TJP1: variants seen among roughly 807,000 people sequenced by gnomAD.
TJP1 encodes tight junction protein ZO-1.
Under a neutral mutation model 194.2 loss-of-function variants are expected in TJP1, and 43 were observed. That is an observed-to-expected ratio of 0.22 (90% CI 0.17 to 0.29). TJP1 has a LOEUF of 0.29. TJP1 is among the 10% of genes least tolerant of loss of function. TJP1 has a pLI of 1.00. For missense variants in TJP1, 1,971 were observed against 2,185.7 expected (o/e 0.90, Z 1.96); for synonymous variants, 801 against 779.0 (o/e 1.03, Z -0.47).
intron 1 of TJP1, among the ~76,000 whole-genome samples, chr15:29,811,149 T>C (rs148468582): frequency 2.9e-3 from 448 of 152,132 alleles, no homozygotes; most frequent in African/African-American, 9.8e-3. Flanking sequence ...AGGAAAAAGA[T>C]ACGATGTGGC....
intron 23 of TJP1, among the ~76,000 whole-genome samples, chr15:29,712,785 A>G (rs1437977665): frequency 2.0e-5 from 3 of 151,844 alleles, no homozygotes; most frequent in Admixed American, 6.6e-5. Flanking sequence ...CAGGTTCTGA[A>G]TAAGTGGGAG....
At chr15:29,897,085 G>A (rs963407797) in intron 2 of TJP1, among the ~76,000 whole-genome samples, 2 of 152,184 alleles carry the variant, frequency 1.3e-5, no homozygotes, top group Admixed American at 1.3e-4. Context: ...TGTCTCCAGG[G>A]CATGTCAGAG....
chr15:29,742,805 T>C lies in TJP1; in HGVS notation c.1011-24A>G, dbSNP rs1264026890. 1.9e-6 allele frequency: 3 copies of C among 1,561,668 alleles called. No homozygotes were observed. In the Admixed American group the frequency reaches 6.1e-5, roughly 32 times the overall value. On this transcript the variant is annotated intron_variant, in intron 8 of 27. Coordinates refer to ENST00000614355, the MANE Select transcript of TJP1 (RefSeq NM_001330239.4). Reference sequence around the variant, plus strand: ...GACTGTGTGTCATTAAAATAAAAAATCAAGAGCATAAGAATGATTCTGGAA... The same window carrying C: ...GACTGTGTGTCATTAAAATAAAAAACCAAGAGCATAAGAATGATTCTGGAA...
chr15:29,711,912 A>T (rs528140581), intron 23 of TJP1, among the ~76,000 whole-genome samples: 2 of 152,238 alleles, frequency 1.3e-5, no homozygotes, highest in Non-Finnish European at 2.9e-5. Context: ...CTTTTACTTT[A>T]AAATTTCCCC....
chr15:29,720,174 T>C, intron 19 of TJP1, 158 bp from the exon 20 acceptor site: 1 of 1,126,902 alleles, frequency 8.9e-7, no homozygotes, highest in Non-Finnish European at 1.2e-6. Flanking sequence ...AAAAATCCAG[T>C]ACATTGCTGT....
chr15:29,816,612 C>A (rs2151977227), intron 1 of TJP1, among the ~76,000 whole-genome samples: 1 of 152,280 alleles, frequency 6.6e-6, no homozygotes, highest in African/African-American at 2.4e-5. Context: ...ACTTTTAAAA[C>A]AGTATGAAGC....
At chr15:29,856,148 C>T (rs1218787026) in intron 2 of TJP1, among the ~76,000 whole-genome samples, 3 of 152,026 alleles carry the variant, frequency 2.0e-5, no homozygotes, top group African/African-American at 4.8e-5. Context: ...TGAATGTAGC[C>T]AGGAGAGGTG....
chr15:29,946,726 A>G (rs1298512895), intron 2 of TJP1, among the ~76,000 whole-genome samples: 2 of 152,182 alleles, frequency 1.3e-5, no homozygotes, highest in Non-Finnish European at 2.9e-5. Flanking sequence ...AATCATATCT[A>G]TTCATTCATT....
At chr15:29,826,722 C>T (rs1364277753), upstream of TJP1, among the ~76,000 whole-genome samples, 1 of 152,150 alleles carries the variant, frequency 6.6e-6, no homozygotes, top group Non-Finnish European at 1.5e-5. Context: ...TCTAGTGTTT[C>T]CCATCTTAAA....
intron 27 of TJP1, 34 bp downstream of exon 27, chr15:29,704,127 CA>C: frequency 6.5e-7 from 1 of 1,542,400 alleles, no homozygotes; most frequent in South Asian, 1.2e-5. Context: ...CGACAGTCCC[CA>C]AAGCTCCCAA....
intron 2 of TJP1, among the ~76,000 whole-genome samples, chr15:29,878,411 A>G (rs1490923995): frequency 6.6e-6 from 1 of 152,132 alleles, no homozygotes; most frequent in Non-Finnish European, 1.5e-5. Context: ...AACTGACTTG[A>G]TCTCCTTGAG....
chr15:29,948,986 C>T (rs2055386227), intron 2 of TJP1, among the ~76,000 whole-genome samples: 1 of 148,440 alleles, frequency 6.7e-6, no homozygotes, highest in Non-Finnish European at 1.5e-5. Context: ...ACCATCACAA[C>T]CTACTCCTTC....
intron 2 of TJP1, among the ~76,000 whole-genome samples, chr15:29,881,326 G>A (rs753070739): frequency 1.3e-5 from 2 of 152,046 alleles, no homozygotes; most frequent in East Asian, 1.9e-4. Flanking sequence ...GTAGGAATTC[G>A]TTATATATTT....
intron 2 of TJP1, among the ~76,000 whole-genome samples, chr15:29,876,758 C>A (rs1030329702): frequency 1.3e-5 from 2 of 152,112 alleles, no homozygotes; most frequent in African/African-American, 4.8e-5. Context: ...GTAAAAACCA[C>A]GTGGACTGCT....
chr15:29,728,371 G>A lies in TJP1; in HGVS notation c.2018-352C>T, dbSNP rs190715169. 6 of 196,996 alleles carry A rather than the reference G, an allele frequency of 3.0e-5. No individual in the cohort carries two copies. The South Asian group carries it at 4.8e-4, about 16-fold the overall frequency. 12.2% of individuals were successfully genotyped at this position (196,996 alleles called of 1,614,324 possible). A position where few individuals can be genotyped will look rare whatever the true frequency, so the allele number is the denominator to read the frequency against. On this transcript the variant is annotated intron_variant, in intron 15 of 27. Coordinates refer to ENST00000614355, the MANE Select transcript of TJP1 (RefSeq NM_001330239.4). ...ATCCAGAGAAAATATTATTTGTATG[G>A]CACACTGAGATAAACTGAGGGGGCT...
intron 8 of TJP1, among the ~76,000 whole-genome samples, chr15:29,748,523 G>C (rs927456632): frequency 3.4e-5 from 5 of 148,944 alleles, no homozygotes; most frequent in Admixed American, 2.7e-4. Flanking sequence ...AAATTGTGAG[G>C]TTGTGATAAT....
chr15:29,797,934 A>C (rs1455010726), intron 2 of TJP1, among the ~76,000 whole-genome samples: 1 of 152,230 alleles, frequency 6.6e-6, no homozygotes, highest in Non-Finnish European at 1.5e-5. Flanking sequence ...AGAGATCATT[A>C]ATCTTCAGAG....
chr15:29,733,259 T>C lies in TJP1; in HGVS notation c.1571A>G (p.His524Arg). 3.1e-6 allele frequency: 5 copies of C among 1,613,956 alleles called. No homozygotes were observed. Among genetic ancestry groups the C allele is most frequent in the Non-Finnish European group, 4.2e-6 (5 of 1,179,902 alleles). The change falls in exon 13 of 28, where the codon CAT (histidine) becomes CGT (arginine). Residue 524 changes from histidine to arginine, a missense_variant. By Grantham distance (29) the His-to-Arg change is conservative. Around this residue, in one of 5 missense-constraint regions of TJP1, gnomAD observed 402 missense variants for 484.2 expected, o/e 0.83. Transcript: ENST00000614355. ...DVGDSFYIRTHFEYEKESPYG... is the reference protein window; with the variant it reads ...DVGDSFYIRTRFEYEKESPYG... ...GGGAGATTCCTTTTCATATTCAAAATGGGTTCTAATATAGAAAGAATCTCC... is the reference window on the plus strand; with the variant it reads ...GGGAGATTCCTTTTCATATTCAAAACGGGTTCTAATATAGAAAGAATCTCC...
At chr15:29,959,371 T>A (rs77818236) in intron 1 of TJP1, among the ~76,000 whole-genome samples, 3,090 of 152,176 alleles carry the variant, frequency 0.02, 76 homozygotes, top group African/African-American at 0.058. Flanking sequence ...AAAATCACCA[T>A]CTAATGTTTT....
Sources: gnomAD v4.1 joint callset for allele counts (sites outside exome capture counted in the v4.1 genomes callset) on GRCh38, gnomAD v4.1.1 for gene constraint, gnomAD v4.1.1 regional missense constraint, MANE v1.5 for transcripts, NCBI Gene and HGNC (gene_info 2026-07-23, HGNC 2026-07-21) for gene names.